The following ZMIZ1 variants were observed in gnomAD, a reference collection of about 807,000 sequenced individuals.
The protein encoded by ZMIZ1 is zinc finger MIZ-type containing 1.
A neutral mutation model predicts 113.9 loss-of-function variants in ZMIZ1; 17 were observed. The ratio of observed to expected loss-of-function variants is 0.15; its 90% confidence interval spans 0.10 to 0.22. ZMIZ1 has a LOEUF of 0.22. ZMIZ1 is among the 10% of genes least tolerant of loss of function. The pLI, the probability that ZMIZ1 is intolerant of heterozygous loss-of-function variation, is 1.00. For synonymous variants in ZMIZ1, 607 were observed against 603.1 expected (o/e 1.01, Z -0.09); for missense variants, 1,059 against 1,477.8 (o/e 0.72, Z 4.65).
chr10:79,187,684 A>T (rs1437021704), intron 4 of ZMIZ1, among the ~76,000 whole-genome samples: 1 of 152,206 alleles, frequency 6.6e-6, no homozygotes, highest in Non-Finnish European at 1.5e-5. Context: ...TGCAGTATGC[A>T]TGCTGGCATG....
intron 7 of ZMIZ1, among the ~76,000 whole-genome samples, chr10:79,221,179 G>A (rs1848951589): frequency 2.0e-5 from 3 of 152,226 alleles, no homozygotes; most frequent in Admixed American, 6.5e-5. Context: ...ATCATGCAGT[G>A]AGTGAGCTTG....
intron 7 of ZMIZ1, among the ~76,000 whole-genome samples, chr10:79,216,941 T>TA (rs1848755751): frequency 2.6e-5 from 4 of 152,218 alleles, no homozygotes; most frequent in Admixed American, 2.6e-4. Flanking sequence ...ACTTTAAAGA[T>TA]ACAGTTTTAT....
chr10:79,245,917 A>G (rs1357605357), intron 7 of ZMIZ1, among the ~76,000 whole-genome samples: 8 of 152,240 alleles, frequency 5.3e-5, no homozygotes, highest in Admixed American at 5.2e-4. Context: ...CATGTCCACC[A>G]CAACAGGAAG....
intron 7 of ZMIZ1, among the ~76,000 whole-genome samples, chr10:79,224,968 A>G (rs908309126): frequency 1.3e-5 from 2 of 152,214 alleles, no homozygotes; most frequent in African/African-American, 4.8e-5. Context: ...GAGTGCTGGC[A>G]GCTAGAATGT....
At chr10:79,239,721 C>G (rs549262499) in intron 7 of ZMIZ1, among the ~76,000 whole-genome samples, 45 of 152,262 alleles carry the variant, frequency 3.0e-4, no homozygotes, top group Admixed American at 2.0e-3. Context: ...GGAGGTGACC[C>G]AGCCCAGAAC....
chr10:79,280,893 C>T (rs1442375885), intron 8 of ZMIZ1, among the ~76,000 whole-genome samples: 5 of 152,216 alleles, frequency 3.3e-5, no homozygotes, highest in Non-Finnish European at 5.9e-5. Context: ...CTGCATTTCA[C>T]TTAAGCAGCA....
At chr10:79,295,068 G>T (rs766787902) in intron 12 of ZMIZ1, 1 of 152,176 alleles carries the variant, frequency 6.6e-6, no homozygotes, top group Non-Finnish European at 1.5e-5. Flanking sequence ...CCTGAGTTTG[G>T]GGGAGCCTCA....
intron 3 of ZMIZ1, among the ~76,000 whole-genome samples, chr10:79,143,491 G>A (rs1354693729): frequency 6.6e-6 from 1 of 152,308 alleles, no homozygotes; most frequent in East Asian, 1.9e-4. Context: ...TCTCCAGAAA[G>A]CCTCCCTTGA....
At chr10:79,105,640 A>T (rs1843528801) in intron 1 of ZMIZ1, among the ~76,000 whole-genome samples, 1 of 152,192 alleles carries the variant, frequency 6.6e-6, no homozygotes, top group Admixed American at 6.5e-5. Flanking sequence ...CAGGACCCGG[A>T]GCCTCCAGCA....
At chr10:79,286,520 T>A (rs1357098354) in intron 8 of ZMIZ1, among the ~76,000 whole-genome samples, 1 of 152,256 alleles carries the variant, frequency 6.6e-6, no homozygotes, top group Admixed American at 6.5e-5. Flanking sequence ...CCCCACACGC[T>A]GTGCCTGTCT....
At chr10:79,157,901 C>A (rs1373118884) in intron 3 of ZMIZ1, among the ~76,000 whole-genome samples, 1 of 152,110 alleles carries the variant, frequency 6.6e-6, no homozygotes, top group Non-Finnish European at 1.5e-5. Flanking sequence ...CCTGTCACCC[C>A]AAGAGTCTGC....
chr10:79,110,839 A>T (rs1429842108), intron 1 of ZMIZ1, among the ~76,000 whole-genome samples: 1 of 152,212 alleles, frequency 6.6e-6, no homozygotes, highest in Non-Finnish European at 1.5e-5. Context: ...AGCTGCCTGG[A>T]GGAAGGGCTT....
At chr10:79,217,455 T>TACCTAG (rs1308943617) in intron 7 of ZMIZ1, among the ~76,000 whole-genome samples, 6 of 151,972 alleles carry the variant, frequency 3.9e-5, no homozygotes, top group African/African-American at 1.4e-4. Flanking sequence ...ATACATAAAG[T>TACCTAG]ACCTAGCACC....
At chr10:79,083,692 C>G (rs1842726991) in intron 1 of ZMIZ1, among the ~76,000 whole-genome samples, 1 of 152,134 alleles carries the variant, frequency 6.6e-6, no homozygotes, top group African/African-American at 2.4e-5. Flanking sequence ...GCGGCTTGGA[C>G]CAGAGTGTTC....
At chr10:79,252,648 A>G (rs1405239437) in intron 7 of ZMIZ1, among the ~76,000 whole-genome samples, 1 of 152,220 alleles carries the variant, frequency 6.6e-6, no homozygotes. Context: ...CACTTCTGCA[A>G]AACGGGGACA....
At chr10:79,077,038 A>T (rs1453197913) in intron 1 of ZMIZ1, among the ~76,000 whole-genome samples, 1 of 152,040 alleles carries the variant, frequency 6.6e-6, no homozygotes, top group Non-Finnish European at 1.5e-5. Context: ...TCCTCTGTGT[A>T]TGGGGAAGCA....
chr10:79,158,074 C>T (rs1384916250), intron 3 of ZMIZ1, among the ~76,000 whole-genome samples: 1 of 152,194 alleles, frequency 6.6e-6, no homozygotes, highest in Non-Finnish European at 1.5e-5. Context: ...CCGTTCTGAT[C>T]CCCACTTGGC....
chr10:79,144,906 CTG>C (rs962358790), intron 3 of ZMIZ1, among the ~76,000 whole-genome samples: 3 of 152,050 alleles, frequency 2.0e-5, no homozygotes, highest in African/African-American at 7.2e-5. Flanking sequence ...CTCCTCTCTG[CTG>C]TGTGTCTGTC....
chr10:79,198,629 T>C (rs1847940648), intron 4 of ZMIZ1, among the ~76,000 whole-genome samples: 2 of 152,176 alleles, frequency 1.3e-5, no homozygotes, highest in African/African-American at 2.4e-5. Context: ...TTATCAAAAA[T>C]ACAAATTCCC....
Sources: gnomAD v4.1 joint callset for allele counts (sites outside exome capture counted in the v4.1 genomes callset) on GRCh38, gnomAD v4.1.1 for gene constraint, MANE v1.5 for transcripts, NCBI Gene and HGNC (gene_info 2026-07-23, HGNC 2026-07-21) for gene names.